Variants in NBAS observed in about 807,000 individuals in gnomAD.
NBAS encodes NAG/BC035112 fusion.
Under a neutral mutation model 302.5 loss-of-function variants are expected in NBAS, and 219 were observed. The ratio of observed to expected loss-of-function variants is 0.72; its 90% CI spans 0.65 to 0.81. The LOEUF (loss-of-function observed/expected upper bound fraction) is 0.81, where lower values mean the gene tolerates loss of function less well. NBAS is among the 30% of genes least tolerant of loss of function. NBAS has a pLI of 0.00. For synonymous variants in NBAS, 1,118 were observed against 1,021.6 expected, an observed-to-expected ratio of 1.09 and a Z score of -1.80; for missense variants, 2,932 against 2,841.6, an observed-to-expected ratio of 1.03 and a Z score of -0.72.
At chr2:15,451,199 T>C (rs1244369296) in intron 21 of NBAS, among the ~76,000 whole-genome samples, 1 of 152,134 alleles carries the variant, frequency 6.6e-6, no homozygotes, top group East Asian at 1.9e-4. Context: ...TACAGAAGTG[T>C]GCCACCATGC....
chr2:14,950,223 C>G, the NBAS span, among the ~76,000 whole-genome samples: 1 of 152,286 alleles, frequency 6.6e-6, no homozygotes, highest in South Asian at 2.1e-4. Flanking sequence ...CCTTTGCATC[C>G]TCATAGCTTA....
chr2:14,870,679 A>T, the NBAS span, among the ~76,000 whole-genome samples: 1 of 152,136 alleles, frequency 6.6e-6, no homozygotes, highest in South Asian at 2.1e-4. Context: ...AATTTTAAAC[A>T]CACAAAAAAT....
At chr2:14,959,588 A>G in the NBAS span, among the ~76,000 whole-genome samples, 1 of 152,160 alleles carries the variant, frequency 6.6e-6, no homozygotes, top group East Asian at 1.9e-4. Flanking sequence ...TCCATCCACC[A>G]TTTCTAAACA....
the NBAS span, among the ~76,000 whole-genome samples, chr2:14,818,782 G>A: frequency 4.6e-5 from 7 of 152,220 alleles, no homozygotes; most frequent in South Asian, 4.1e-4. Context: ...GAGGATACTT[G>A]GAGATGACAC....
chr2:15,301,751 A>G (rs1440652199), intron 40 of NBAS, among the ~76,000 whole-genome samples: 1 of 152,266 alleles, frequency 6.6e-6, no homozygotes, highest in Non-Finnish European at 1.5e-5. Flanking sequence ...GGAGGACCCA[A>G]TCCAGCTTGG....
chr2:15,395,454 AAATAC>A (rs1198719369), intron 27 of NBAS, among the ~76,000 whole-genome samples: 1 of 152,130 alleles, frequency 6.6e-6, no homozygotes, highest in African/African-American at 2.4e-5. Context: ...ATTTTTCAAG[AAATAC>A]AACTGTATAA....
intron 42 of NBAS, among the ~76,000 whole-genome samples, chr2:15,285,209 GA>G (rs1316193354): frequency 6.6e-6 from 1 of 152,024 alleles, no homozygotes; most frequent in Non-Finnish European, 1.5e-5. Context: ...ACTTAAAAAG[GA>G]AATGTTAAAA....
chr2:15,304,829 T>C (rs974013608), intron 40 of NBAS, among the ~76,000 whole-genome samples: 2 of 152,222 alleles, frequency 1.3e-5, no homozygotes, highest in Admixed American at 6.5e-5. Flanking sequence ...GTGACTTGGA[T>C]GCTCTTAAAA....
intron 25 of NBAS, among the ~76,000 whole-genome samples, chr2:15,412,335 C>G (rs1467155596): frequency 6.6e-6 from 1 of 152,170 alleles, no homozygotes; most frequent in Non-Finnish European, 1.5e-5. Flanking sequence ...ACTTTGTTCT[C>G]TTCCCTATGC....
At chr2:15,387,296 T>C (rs1313656636) in intron 28 of NBAS, among the ~76,000 whole-genome samples, 1 of 152,112 alleles carries the variant, frequency 6.6e-6, no homozygotes, top group Admixed American at 6.5e-5. Flanking sequence ...CTCCATCTCC[T>C]GACCTTGTGA....
intron 21 of NBAS, among the ~76,000 whole-genome samples, chr2:15,445,344 T>C (rs1252851969): frequency 6.7e-6 from 1 of 149,308 alleles, no homozygotes; most frequent in Non-Finnish European, 1.5e-5. Flanking sequence ...GATGAGTTCA[T>C]GTCCTTTGTA....
chr2:15,495,494 A>G (rs1183202757), intron 11 of NBAS, among the ~76,000 whole-genome samples: 2 of 152,242 alleles, frequency 1.3e-5, no homozygotes, highest in Non-Finnish European at 2.9e-5. Flanking sequence ...TATGGAGGAC[A>G]GACCAGCAGA....
chr2:14,984,577 T>C, the NBAS span, among the ~76,000 whole-genome samples: 2 of 152,208 alleles, frequency 1.3e-5, no homozygotes, highest in Admixed American at 1.3e-4. Flanking sequence ...AATGCATCTC[T>C]AGATACAGTA....
chr2:15,108,169 A>G, the NBAS span, among the ~76,000 whole-genome samples: 9 of 152,274 alleles, frequency 5.9e-5, no homozygotes, highest in South Asian at 4.1e-4. Context: ...CTTTTGTGTG[A>G]ACATATGTTT....
In NBAS at chr2:15,372,779, A is replaced by G. The variant is rs569997310; in HGVS notation, c.3703+1829T>C. Reference sequence around the variant, plus strand: ...ACAGCAGGGCAGCGGTTTTGGTTGCAGGTATTCAAACCCAGCAGCTGATAT... The same window carrying G: ...ACAGCAGGGCAGCGGTTTTGGTTGCGGGTATTCAAACCCAGCAGCTGATAT... On this transcript the variant is annotated intron_variant, in intron 31 of 51. Transcript: ENST00000281513. Among the ~76,000 whole-genome samples, 12 of 152,354 alleles carry G rather than the reference A, an allele frequency of 7.9e-5. No homozygotes were observed. The South Asian group carries it at 2.5e-3, about 32-fold the overall frequency.
At chr2:15,000,207 C>G in the NBAS span, among the ~76,000 whole-genome samples, 1 of 152,198 alleles carries the variant, frequency 6.6e-6, no homozygotes, top group East Asian at 1.9e-4. Context: ...TGGGATCAAA[C>G]CTTTCTTATC....
intron 32 of NBAS, among the ~76,000 whole-genome samples, chr2:15,360,279 A>G (rs1673836716): frequency 6.6e-6 from 1 of 151,628 alleles, no homozygotes; most frequent in South Asian, 2.1e-4. Context: ...AATTTAGTAA[A>G]AAAATATTTT....
At chr2:15,491,291 A>C (rs1680843175) in intron 11 of NBAS, among the ~76,000 whole-genome samples, 1 of 152,242 alleles carries the variant, frequency 6.6e-6, no homozygotes, top group Non-Finnish European at 1.5e-5. Context: ...ACCTGGAAGA[A>C]AAGAACATCC....
intron 51 of NBAS, among the ~76,000 whole-genome samples, chr2:15,173,298 G>A (rs1238191571): frequency 1.3e-5 from 2 of 152,130 alleles, no homozygotes; most frequent in African/African-American, 4.8e-5. Context: ...AACCTTCTCT[G>A]ATTTAAAATC....
Sources: gnomAD v4.1 joint callset for allele counts (sites outside exome capture counted in the v4.1 genomes callset) on GRCh38, gnomAD v4.1.1 for gene constraint, MANE v1.5 for transcripts, NCBI Gene and HGNC (gene_info 2026-07-23, HGNC 2026-07-21) for gene names.